The following C8orf74 variants were observed in gnomAD, a reference collection of about 807,000 sequenced individuals.
C8orf74 encodes chromosome 8 open reading frame 74.
Under a neutral mutation model 22.2 loss-of-function variants are expected in C8orf74, and 29 were observed. The ratio of observed to expected loss-of-function variants is 1.31; its 90% CI spans 0.97 to 1.78. C8orf74 has a LOEUF of 1.78. Ranked by LOEUF, C8orf74 falls within the 40% of genes most tolerant of loss-of-function variation. The pLI is 0.00. For synonymous variants in C8orf74, 255 were observed against 163.1 expected (o/e 1.56, Z -4.30); for missense variants, 515 against 369.9 (o/e 1.39, Z -3.22).
chr8:10,687,084 A>C, intron 2 of C8orf74: 1 of 456,322 alleles, frequency 2.2e-6, no homozygotes, highest in Non-Finnish European at 4.4e-6. Flanking sequence ...AACCAGGTTC[A>C]GTCCAGGAGC....
At chr8:10,686,020 G>A (rs542274999) in intron 2 of C8orf74, among the ~76,000 whole-genome samples, 5 of 152,228 alleles carry the variant, frequency 3.3e-5, no homozygotes, top group African/African-American at 4.8e-5. Context: ...AGTGAGCCGA[G>A]ATTGCACCAC....
chr8:10,684,570 T>C (rs553805161), intron 2 of C8orf74, among the ~76,000 whole-genome samples: 1 of 152,320 alleles, frequency 6.6e-6, no homozygotes, highest in African/African-American at 2.4e-5. Context: ...TGGATATTGG[T>C]TTATAGTAGT....
chr8:10,685,365 C>T (rs1435056929), intron 2 of C8orf74, among the ~76,000 whole-genome samples: 1 of 152,148 alleles, frequency 6.6e-6, no homozygotes, highest in African/African-American at 2.4e-5. Context: ...AAGTATTACT[C>T]ACAATAGCCA....
At chr8:10,690,317 C>G (rs1427254227) in intron 2 of C8orf74, among the ~76,000 whole-genome samples, 1 of 152,162 alleles carries the variant, frequency 6.6e-6, no homozygotes, top group Non-Finnish European at 1.5e-5. Context: ...TGGGTGCTCC[C>G]TAACTGAGGG....
Position 10,690,509 on chromosome 8 carries a change from G to A in C8orf74, c.242-7090G>A, listed in dbSNP as rs77217038. Reference sequence around the variant, plus strand: ...CCACACTGGGCCAGCCCTGGTAGGCGCTCAGGTATTGGGAAAGGTGAGCAG... The same window carrying A: ...CCACACTGGGCCAGCCCTGGTAGGCACTCAGGTATTGGGAAAGGTGAGCAG... On this transcript the variant is annotated intron_variant, in intron 2 of 3. Transcript: ENST00000304519. 7.9e-5 allele frequency among the ~76,000 whole-genome samples: 12 copies of A among 152,286 alleles called. No homozygotes were observed. The East Asian group carries it at 2.1e-3, about 27-fold the overall frequency.
At chr8:10,683,746 A>G (rs1243931669) in intron 2 of C8orf74, among the ~76,000 whole-genome samples, 1 of 152,140 alleles carries the variant, frequency 6.6e-6, no homozygotes, top group Non-Finnish European at 1.5e-5. Flanking sequence ...CCCCCATCTG[A>G]CAGACATCCA....
intron 2 of C8orf74, among the ~76,000 whole-genome samples, chr8:10,681,993 G>T (rs1451775102): frequency 6.6e-6 from 1 of 152,228 alleles, no homozygotes; most frequent in Non-Finnish European, 1.5e-5. Context: ...ACTCTTCCAA[G>T]CTCCTGGCAT....
At chr8:10,687,319 GCAATGGT>G (rs1324904159) in intron 2 of C8orf74, 1 of 321,852 alleles carries the variant, frequency 3.1e-6, no homozygotes, top group Non-Finnish European at 6.2e-6. Flanking sequence ...ATCAATATAT[GCAATGGT>G]TTTTATTAAA....
At chr8:10,685,644 G>C (rs1183793998) in intron 2 of C8orf74, among the ~76,000 whole-genome samples, 1 of 152,186 alleles carries the variant, frequency 6.6e-6, no homozygotes, top group Non-Finnish European at 1.5e-5. Context: ...CAGGAGGAGG[G>C]GGAGTGGGGA....
chr8:10,698,128 G>T, intron 3 of C8orf74, 123 bp downstream of exon 3: 1 of 972,088 alleles, frequency 1.0e-6, no homozygotes, highest in South Asian at 2.1e-5. Context: ...GATGCAGGGA[G>T]GAATCAAGAG....
chr8:10,700,241 G>C lies in C8orf74; in HGVS notation c.655G>C (p.Glu219Gln), dbSNP rs2129059603. 1 of 1,595,564 alleles carries C rather than the reference G, an allele frequency of 6.3e-7. No individual in the cohort carries two copies. The highest frequency in any genetic ancestry group is 1.3e-5 in the African/African-American group (1 of 74,550). Residue 219 changes from glutamate (E) to glutamine (Q), a missense_variant, in exon 4 of 4, where the codon GAG becomes CAG. Physicochemically the swap from Glu to Gln is conservative, Grantham distance 29. Coordinates refer to ENST00000304519, the MANE Select transcript of C8orf74 (RefSeq NM_001040032.2). ...PGQVLERQEL[E>Q]SLICQAVHTQ... is the part of the protein sequence containing the mutation. ...CCTTCCCCTTTCCTTCCAGGAGTTGGAGAGCCTCATCTGCCAGGCAGTCCA... is the reference window on the plus strand; with the variant it reads ...CCTTCCCCTTTCCTTCCAGGAGTTGCAGAGCCTCATCTGCCAGGCAGTCCA...
chr8:10,695,846 G>A (rs1799484816), intron 2 of C8orf74, among the ~76,000 whole-genome samples: 1 of 152,284 alleles, frequency 6.6e-6, no homozygotes. Flanking sequence ...CCGGCTCCTT[G>A]CCTACAGCAT....
At position 10,691,072 on chromosome 8, in the gene C8orf74, C is replaced by G. The variant is rs948456235; in HGVS notation, c.242-6527C>G. ...AACCCGAGGCCCAGGGAGTGTGGTC[C>G]GAGGCCAAGAAAGTGTGTCTCATAA... On this transcript the variant is annotated intron_variant, in intron 2 of 3. Coordinates refer to ENST00000304519, the MANE Select transcript of C8orf74 (RefSeq NM_001040032.2). 1.0e-5 allele frequency: 4 copies of G among 386,754 alleles called. No homozygotes were observed. The East Asian group carries it at 2.2e-4, about 21-fold the overall frequency. 24.0% of individuals were successfully genotyped at this position (386,754 alleles called of 1,614,324 possible). A position where few individuals can be genotyped will look rare whatever the true frequency, so the allele number is the denominator to read the frequency against.
At chr8:10,688,677 C>T (rs1483812199) in intron 2 of C8orf74, 1 of 152,332 alleles carries the variant, frequency 6.6e-6, no homozygotes, top group African/African-American at 2.4e-5. Flanking sequence ...CAGCGTGGTC[C>T]TCCTTTGGCC....
intron 2 of C8orf74, among the ~76,000 whole-genome samples, chr8:10,690,426 G>C (rs991615072): frequency 4.6e-5 from 7 of 152,168 alleles, no homozygotes; most frequent in Non-Finnish European, 1.0e-4. Context: ...GCGGCGTGCG[G>C]GGGATGAAGG....
chr8:10,674,690 GGAGTTTGACGAACAGAGAGACTCCC>G lies in C8orf74; in HGVS notation c.95_119del (p.Glu32GlyfsTer37). The G allele has an allele frequency of 6.2e-7, 1 of 1,610,406 alleles. No individual in the cohort carries two copies. Among genetic ancestry groups the G allele is most frequent in the Non-Finnish European group, 8.5e-7 (1 of 1,178,414 alleles). On this transcript the variant is annotated frameshift_variant, in exon 2 of 4. Coordinates refer to ENST00000304519, the MANE Select transcript of C8orf74 (RefSeq NM_001040032.2). LOFTEE classifies it high-confidence loss of function. ...GCCTGCGGAGGCTTCTGAACTGGGA[GGAGTTTGACGAACAGAGAGACTCCC>G]GGAGGAGCATCCTGCTGGACACCCT...
rs1798998919 is a variant in C8orf74 at position 10,674,840 on chromosome 8, T to G, written c.241+2T>G. The G allele has an allele frequency of 1.3e-5, 21 of 1,594,432 alleles. No individual in the cohort carries two copies. Among genetic ancestry groups the G allele is most frequent in the Admixed American group, 3.5e-5 (2 of 56,858 alleles). On this transcript the variant is annotated splice_donor_variant, in intron 2 of 3. Coordinates refer to ENST00000304519, the MANE Select transcript of C8orf74 (RefSeq NM_001040032.2). LOFTEE classifies it high-confidence loss of function. ...AAGAGCTGCTAAGGGAAACCAAAGG[T>G]ATGGTGTGTCCAGGGCAGGAGTCAG...
At chr8:10,688,218 A>AG (rs1799302246) in intron 2 of C8orf74, 1 of 151,986 alleles carries the variant, frequency 6.6e-6, no homozygotes, top group African/African-American at 2.4e-5. Flanking sequence ...AAAAAAAAAA[A>AG]AAAGAAAAGA....
At chr8:10,678,490 T>A (rs1799079517) in intron 2 of C8orf74, among the ~76,000 whole-genome samples, 3 of 151,118 alleles carry the variant, frequency 2.0e-5, no homozygotes, top group Non-Finnish European at 2.9e-5. Context: ...CGAGGCCCAG[T>A]AGACACGTGC....
Sources: allele counts gnomAD v4.1 joint callset (sites outside exome capture counted in the v4.1 genomes callset), GRCh38; gene constraint gnomAD v4.1.1; transcripts MANE v1.5; gene names NCBI Gene and HGNC (gene_info 2026-07-23, HGNC 2026-07-21).